VCP: variants seen among roughly 807,000 people sequenced by gnomAD.
VCP encodes valosin containing protein.
VCP carries 6 observed loss-of-function variants against 85.7 expected under a neutral mutation model. The ratio of observed to expected loss-of-function variants is 0.07; its 90% CI spans 0.04 to 0.14. VCP has a LOEUF of 0.14. Ranked by LOEUF, VCP falls within the 10% of genes least tolerant of loss-of-function variation. VCP has a pLI of 1.00. For synonymous variants in VCP, 384 were observed against 367.1 expected (o/e 1.05, Z -0.53); for missense variants, 353 against 1,043.4 (o/e 0.34, Z 9.12).
rs561587434 is a variant in VCP, at chr9:35,056,722, C to T, written c.*395G>A. On this transcript the variant is annotated 3_prime_UTR_variant, in exon 17 of 17. Transcript: ENST00000358901. ...GCAACTGTGGCCCCTACCCACCTAC[C>T]CAGGTTGGATAGGGGGAAGGGAGGG... 4.5e-5 allele frequency: 13 copies of T among 289,050 alleles called. No homozygotes were observed. Among genetic ancestry groups the T allele is most frequent in the Non-Finnish European group, 8.9e-5 (13 of 146,286 alleles). 17.9% of individuals were successfully genotyped at this position (289,050 alleles called of 1,614,324 possible).
chr9:35,064,151 C>T lies in VCP; in HGVS notation c.708+3G>A. On this transcript the variant is annotated splice_donor_region_variant and intron_variant, in intron 6 of 16. Transcript: ENST00000358901. ...ACTTGATTCCAGAGCCCAGGATGCT[C>T]ACCTTCACACCAATTGCCTTAAAGA... 1 of 1,614,190 alleles carries T rather than the reference C, an allele frequency of 6.2e-7. No homozygotes were observed.
At position 35,067,881 on chromosome 9, in the gene VCP, C is replaced by T. The variant is rs751952342; in HGVS notation, c.302+10G>A. 1 of 1,614,158 alleles carries T rather than the reference C, an allele frequency of 6.2e-7. No individual in the cohort carries two copies. The highest frequency in any genetic ancestry group is 8.5e-7 in the Non-Finnish European group (1 of 1,180,034). ...TCCCATCCCTGTGAAGCCAAAAACC[C>T]CACACACACCTGATGACATCCCCTA... On this transcript the variant is annotated intron_variant, in intron 3 of 16. Coordinates refer to ENST00000358901, the MANE Select transcript of VCP (RefSeq NM_007126.5).
chr9:35,056,816 C>T lies in VCP; in HGVS notation c.*301G>A. 1 of 398,274 alleles carries T rather than the reference C, an allele frequency of 2.5e-6. No individual in the cohort carries two copies. The highest frequency in any genetic ancestry group is 2.1e-5 in the South Asian group (1 of 47,648). The allele number at this position is 398,274 out of a possible 1,614,324, so 24.7% of individuals were successfully genotyped here. On this transcript the variant is annotated 3_prime_UTR_variant, in exon 17 of 17. Transcript: ENST00000358901. ...GTGGCAGTAGTGCCTTGGTTCACACCCCACACAGGTCCCCTGCACTGCCCC... is the reference window on the plus strand; with the variant it reads ...GTGGCAGTAGTGCCTTGGTTCACACTCCACACAGGTCCCCTGCACTGCCCC...
intron 5 of VCP, among the ~76,000 whole-genome samples, 197 bp downstream of exon 5, chr9:35,065,054 G>T (rs1297690326): frequency 6.6e-6 from 1 of 152,132 alleles, no homozygotes; most frequent in Non-Finnish European, 1.5e-5. Context: ...TTTTAGTAGA[G>T]ATGGGATTTC....
At chr9:35,068,633 C>T (rs1446396494) in intron 1 of VCP, among the ~76,000 whole-genome samples, 2 of 152,012 alleles carry the variant, frequency 1.3e-5, no homozygotes, top group Non-Finnish European at 2.9e-5. Flanking sequence ...AAAATAATGG[C>T]CTAAGAAGAA....
intron 12 of VCP, 132 bp downstream of exon 12, chr9:35,060,669 C>T (rs879900596): frequency 3.8e-5 from 60 of 1,566,706 alleles, no homozygotes; most frequent in Non-Finnish European, 5.0e-5. Flanking sequence ...CTTAGTGCCT[C>T]AAACCTAAGA....
chr9:35,066,242 G>A (rs527345964), intron 4 of VCP, among the ~76,000 whole-genome samples: 6 of 151,264 alleles, frequency 4.0e-5, no homozygotes, highest in African/African-American at 1.5e-4. Flanking sequence ...ACCAGCCTGG[G>A]CATCATAGTG....
rs1397386549 is a variant in VCP at position 35,059,332 on chromosome 9, A to G, written c.2005-113T>C. Reference sequence around the variant, plus strand: ...AGTTTGCCCCTTCTTTGGCCACCCCATTTTATTCCTGATTCTAGATTATCT... The same window carrying G: ...AGTTTGCCCCTTCTTTGGCCACCCCGTTTTATTCCTGATTCTAGATTATCT... On this transcript the variant is annotated intron_variant, in intron 14 of 16. Coordinates refer to ENST00000358901, the MANE Select transcript of VCP (RefSeq NM_007126.5). The surrounding 1 kb of genome is among the most constrained non-coding windows in gnomAD (Gnocchi z 4.9). 2.6e-6 allele frequency: 4 copies of G among 1,547,222 alleles called. No individual in the cohort carries two copies. Among genetic ancestry groups the G allele is most frequent in the East Asian group, 4.7e-5 (2 of 42,370 alleles).
chr9:35,069,564 T>G (rs1255718049), intron 1 of VCP, among the ~76,000 whole-genome samples: 1 of 150,812 alleles, frequency 6.6e-6, no homozygotes. Context: ...GTGATTCTCC[T>G]GCCTCAGCCT....
chr9:35,066,974 G>A (rs1394038691), intron 3 of VCP, among the ~76,000 whole-genome samples, 157 bp from the exon 4 acceptor site: 1 of 152,150 alleles, frequency 6.6e-6, no homozygotes, highest in Non-Finnish European at 1.5e-5. Context: ...TGGAAGTGAG[G>A]GCGAAGGAAC....
intron 1 of VCP, among the ~76,000 whole-genome samples, chr9:35,071,252 G>A (rs976403933): frequency 1.4e-5 from 2 of 147,838 alleles, no homozygotes; most frequent in African/African-American, 2.5e-5. Flanking sequence ...TCTCTTCAAG[G>A]AAGGAAGGTA....
chr9:35,071,095 A>G (rs1407848311), intron 1 of VCP, among the ~76,000 whole-genome samples: 3 of 152,192 alleles, frequency 2.0e-5, no homozygotes, highest in Admixed American at 6.5e-5. Context: ...CAAGAATTTT[A>G]GATTTTTACT....
chr9:35,068,433 T>C, intron 1 of VCP, 71 bp from the exon 2 acceptor site: 1 of 1,343,662 alleles, frequency 7.4e-7, no homozygotes, highest in Non-Finnish European at 1.1e-6. Context: ...AACTCATACT[T>C]AGGAAAGAAA....
At chr9:35,058,987 C>G in intron 15 of VCP, 77 bp downstream of exon 15, 1 of 1,597,378 alleles carries the variant, frequency 6.3e-7, no homozygotes, top group Non-Finnish European at 8.5e-7. Context: ...AGCTTCTACT[C>G]TCAACTCCAG....
chr9:35,064,623 A>G (rs926821937), intron 5 of VCP, among the ~76,000 whole-genome samples: 2 of 152,174 alleles, frequency 1.3e-5, no homozygotes, highest in South Asian at 2.1e-4. Context: ...TGCCTCTCAC[A>G]TTACTCGTAG....
chr9:35,071,102 T>C (rs562705946), intron 1 of VCP, among the ~76,000 whole-genome samples: 1 of 152,222 alleles, frequency 6.6e-6, no homozygotes, highest in East Asian at 1.9e-4. Flanking sequence ...TTTAGATTTT[T>C]ACTTTTGAAA....
At chr9:35,058,798 A>C (rs1002012004) in intron 15 of VCP, among the ~76,000 whole-genome samples, 3 of 152,108 alleles carry the variant, frequency 2.0e-5, no homozygotes, top group African/African-American at 4.8e-5. Context: ...AAACAAAAAA[A>C]ACCTTGCTGT....
Position 35,061,644 on chromosome 9 carries a change from C to T in VCP, c.1127G>A (p.Gly376Glu). The stretch of plus-strand genomic sequence containing the variant: ...ATGGATCTGAAGAATCTCTAAGCGT[C>T]CTGTAGCATCAGGAATTCCAATATC... ...EVDIGIPDATGRLEILQIHTK... is the reference protein window; with the variant it reads ...EVDIGIPDATERLEILQIHTK... Residue 376 changes from glycine to glutamate, a missense_variant, in exon 10 of 17, where the codon GGA (glycine) becomes GAA (glutamate). Gly to Glu is a moderately conservative substitution (Grantham distance 98). Transcript: ENST00000358901. The T allele has an allele frequency of 1.2e-6, 2 of 1,614,144 alleles. No homozygotes were observed. The highest frequency in any genetic ancestry group is 8.5e-7 in the Non-Finnish European group (1 of 1,180,036).
At chr9:35,057,753 T>C in intron 15 of VCP, 1 of 622,704 alleles carries the variant, frequency 1.6e-6, no homozygotes, top group Non-Finnish European at 2.8e-6. Flanking sequence ...ACATCAGTGA[T>C]GGGGCTTAAG....
Sources: gnomAD v4.1 joint callset for allele counts (sites outside exome capture counted in the v4.1 genomes callset) on GRCh38, gnomAD v4.1.1 for gene constraint, Gnocchi (gnomAD v3.1) non-coding constraint, MANE v1.5 for transcripts, NCBI Gene and HGNC (gene_info 2026-07-23, HGNC 2026-07-21) for gene names.